CLSTN2: variants seen among roughly 807,000 people sequenced by gnomAD.
The protein encoded by CLSTN2 is calsyntenin 2.
CLSTN2 carries 48 observed loss-of-function variants against 101.2 expected under a neutral mutation model. That is an observed-to-expected ratio of 0.47 (90% confidence interval 0.38 to 0.60). CLSTN2 has a LOEUF of 0.60. Ranked by LOEUF, CLSTN2 falls within the 20% of genes least tolerant of loss-of-function variation. The pLI is 0.00. For missense variants in CLSTN2, 1,160 were observed against 1,238.2 expected (o/e 0.94, Z 0.95); for synonymous variants, 481 against 463.6 (o/e 1.04, Z -0.48).
chr3:140,468,983 C>G (rs1308134001), intron 8 of CLSTN2, among the ~76,000 whole-genome samples: 1 of 152,136 alleles, frequency 6.6e-6, no homozygotes, highest in Non-Finnish European at 1.5e-5. Flanking sequence ...AGTACAAGAT[C>G]AAGGTGCCAA....
intron 1 of CLSTN2, among the ~76,000 whole-genome samples, chr3:140,072,136 G>T (rs1191365161): frequency 1.3e-5 from 2 of 151,878 alleles, no homozygotes; most frequent in Admixed American, 6.6e-5. Context: ...TATCCTATAG[G>T]TATGCTCAAA....
At chr3:140,501,062 T>C (rs775345227) in intron 8 of CLSTN2, among the ~76,000 whole-genome samples, 32 of 152,270 alleles carry the variant, frequency 2.1e-4, no homozygotes, top group Middle Eastern at 3.4e-3. Flanking sequence ...ATGGAGCGAA[T>C]CTTGCTGTTG....
At chr3:140,385,674 G>T (rs1005548276) in intron 2 of CLSTN2, among the ~76,000 whole-genome samples, 2 of 152,086 alleles carry the variant, frequency 1.3e-5, no homozygotes, top group Non-Finnish European at 2.9e-5. Flanking sequence ...ACCGCGCCCG[G>T]CCCCTGATGT....
chr3:140,023,787 C>T (rs932450629), intron 1 of CLSTN2, among the ~76,000 whole-genome samples: 7 of 152,186 alleles, frequency 4.6e-5, no homozygotes, highest in Admixed American at 6.5e-5. Flanking sequence ...TTCACCTCCC[C>T]GCTTCGCTCA....
intron 2 of CLSTN2, among the ~76,000 whole-genome samples, chr3:140,333,015 C>T (rs1482174891): frequency 6.6e-6 from 1 of 152,178 alleles, no homozygotes; most frequent in Non-Finnish European, 1.5e-5. Flanking sequence ...CATGATCCTG[C>T]ACTGGGGTGT....
chr3:140,036,009 A>G (rs1048259752), intron 1 of CLSTN2, among the ~76,000 whole-genome samples: 1 of 152,208 alleles, frequency 6.6e-6, no homozygotes, highest in African/African-American at 2.4e-5. Context: ...ATGAGCTCAC[A>G]AAGTAGCCTC....
intron 2 of CLSTN2, among the ~76,000 whole-genome samples, chr3:140,266,478 A>G (rs894308059): frequency 1.3e-5 from 2 of 152,182 alleles, no homozygotes; most frequent in African/African-American, 2.4e-5. Context: ...CAGCCACATT[A>G]TGTGAAGGCT....
chr3:140,116,064 T>G (rs2009237252), intron 1 of CLSTN2, among the ~76,000 whole-genome samples: 2 of 152,302 alleles, frequency 1.3e-5, no homozygotes, highest in South Asian at 2.1e-4. Flanking sequence ...GGGGCCGTTT[T>G]TGACCCCTCC....
At chr3:140,221,705 A>G (rs2086274902) in intron 2 of CLSTN2, among the ~76,000 whole-genome samples, 1 of 152,222 alleles carries the variant, frequency 6.6e-6, no homozygotes, top group African/African-American at 2.4e-5. Flanking sequence ...AAGAAGACAC[A>G]TAAATGGTAA....
chr3:140,417,351 A>C (rs979296359), intron 4 of CLSTN2, among the ~76,000 whole-genome samples: 1 of 152,186 alleles, frequency 6.6e-6, no homozygotes, highest in African/African-American at 2.4e-5. Flanking sequence ...ATATTTGTAC[A>C]TGTATCTGCA....
chr3:140,405,230 A>G (rs2088289818), intron 4 of CLSTN2, among the ~76,000 whole-genome samples: 1 of 121,056 alleles, frequency 8.3e-6, no homozygotes, highest in Non-Finnish European at 1.9e-5. Flanking sequence ...AGATTCATTC[A>G]GGATTTTTTT....
chr3:140,058,122 G>T (rs892935469), intron 1 of CLSTN2, among the ~76,000 whole-genome samples: 22 of 152,144 alleles, frequency 1.4e-4, no homozygotes, highest in Non-Finnish European at 3.2e-4. Context: ...AAACACTCAG[G>T]CATGCTGTCT....
At chr3:140,307,529 G>A (rs946319562) in intron 2 of CLSTN2, among the ~76,000 whole-genome samples, 2 of 152,218 alleles carry the variant, frequency 1.3e-5, no homozygotes, top group Non-Finnish European at 2.9e-5. Flanking sequence ...TCAGCATAAA[G>A]TATGTGGCAT....
At chr3:140,241,788 G>C (rs903199106) in intron 2 of CLSTN2, among the ~76,000 whole-genome samples, 1 of 17,236 alleles carries the variant, frequency 5.8e-5, no homozygotes, top group Non-Finnish European at 2.0e-4. Flanking sequence ...GGTCATATGC[G>C]AGATATATAT....
chr3:140,299,275 G>A (rs1160657166), intron 2 of CLSTN2, among the ~76,000 whole-genome samples: 1 of 152,214 alleles, frequency 6.6e-6, no homozygotes, highest in Non-Finnish European at 1.5e-5. Context: ...GAGTGATTAT[G>A]TGGGCACCCC....
chr3:140,184,557 C>T (rs910301979), intron 2 of CLSTN2, among the ~76,000 whole-genome samples: 2 of 152,122 alleles, frequency 1.3e-5, no homozygotes, highest in African/African-American at 2.4e-5. Flanking sequence ...GATTACAATT[C>T]GAGATGAGAT....
At chr3:140,358,050 C>A (rs943499537) in intron 2 of CLSTN2, among the ~76,000 whole-genome samples, 3 of 152,166 alleles carry the variant, frequency 2.0e-5, no homozygotes, top group African/African-American at 7.2e-5. Context: ...TGTCTTTGAT[C>A]CTCCATCAGA....
chr3:139,969,938 T>C (rs555270994), intron 1 of CLSTN2, among the ~76,000 whole-genome samples: 1 of 152,262 alleles, frequency 6.6e-6, no homozygotes, highest in South Asian at 2.1e-4. Context: ...TGAAGTTAGG[T>C]ACCTACAGAG....
At chr3:140,148,651 T>C (rs571810579) in intron 1 of CLSTN2, among the ~76,000 whole-genome samples, 2 of 152,366 alleles carry the variant, frequency 1.3e-5, no homozygotes, top group Non-Finnish European at 2.9e-5. Flanking sequence ...CATTCACTTA[T>C]GCATTTTTAT....
Sources: gnomAD v4.1 joint callset for allele counts (sites outside exome capture counted in the v4.1 genomes callset) on GRCh38, gnomAD v4.1.1 for gene constraint, MANE v1.5 for transcripts, NCBI Gene and HGNC (gene_info 2026-07-23, HGNC 2026-07-21) for gene names.